Variants in CCDC146 observed in about 807,000 individuals in gnomAD.
The protein encoded by CCDC146 is coiled-coil domain containing 146, also known as coiled-coil domain-containing protein 146.
Under a neutral mutation model 119.3 loss-of-function variants are expected in CCDC146, and 92 were observed. The observed-to-expected ratio is 0.77, with a 90% confidence interval of 0.65 to 0.92. The LOEUF is 0.92. CCDC146 is among the 40% of genes least tolerant of loss of function. The pLI is 0.00. For missense variants in CCDC146, 1,000 were observed against 1,103.0 expected (o/e 0.91, Z 1.32); for synonymous variants, 372 against 371.8 (o/e 1.00, Z -0.01).
chr7:77,201,742 A>G (rs928154553), intron 2 of CCDC146, among the ~76,000 whole-genome samples: 5 of 152,178 alleles, frequency 3.3e-5, no homozygotes, highest in African/African-American at 4.8e-5. Context: ...ATTCCATTCA[A>G]TATATCCAAT....
chr7:77,254,592 A>C, intron 5 of CCDC146, 29 bp downstream of exon 5: 1 of 1,208,496 alleles, frequency 8.3e-7, no homozygotes. Flanking sequence ...AGAGTTTCTT[A>C]AATACAGCTG....
intron 9 of CCDC146, among the ~76,000 whole-genome samples, chr7:77,267,120 G>A (rs1175984187): frequency 6.6e-6 from 1 of 151,832 alleles, no homozygotes; most frequent in African/African-American, 2.4e-5. Flanking sequence ...AGCCTCCTGA[G>A]TAGCTGGGAT....
intron 1 of CCDC146, among the ~76,000 whole-genome samples, chr7:77,126,775 C>T (rs1308881732): frequency 1.3e-5 from 2 of 152,092 alleles, no homozygotes; most frequent in Non-Finnish European, 2.9e-5. Flanking sequence ...TTATGGACCT[C>T]AGAGGGGAGG....
At chr7:77,281,719 A>G (rs1793768031) in intron 14 of CCDC146, among the ~76,000 whole-genome samples, 1 of 152,192 alleles carries the variant, frequency 6.6e-6, no homozygotes, top group Non-Finnish European at 1.5e-5. Flanking sequence ...TGTTTTGAGG[A>G]AGGGGAGTCA....
rs1376883304 is a variant in CCDC146, at chr7:77,262,265, A to G, written c.1131A>G (p.Ala377=). The part of the protein sequence containing the change: ...MELLLKVSWD[A]LRQTQALHQR... ...TGCTCTTGAAAGTGTCCTGGGATGCACTTAGGCAAACTCAAGCACTGCATC... is the reference window on the plus strand; with the variant it reads ...TGCTCTTGAAAGTGTCCTGGGATGCGCTTAGGCAAACTCAAGCACTGCATC... Residue 377 remains alanine, a synonymous_variant, in exon 9 of 19, where the codon GCA becomes GCG. Coordinates refer to ENST00000285871, the MANE Select transcript of CCDC146 (RefSeq NM_020879.3). 2 of 1,613,238 alleles carry G rather than the reference A, an allele frequency of 1.2e-6. No homozygotes were observed. The highest frequency in any genetic ancestry group is 2.7e-5 in the African/African-American group (2 of 74,894).
chr7:77,275,080 GA>G (rs1220107099), intron 11 of CCDC146, among the ~76,000 whole-genome samples: 16 of 17,690 alleles, frequency 9.0e-4, no homozygotes, highest in Non-Finnish European at 1.3e-3. Flanking sequence ...AAAAAAAAAA[GA>G]AAAGCTATAC....
At chr7:77,209,392 AG>A (rs1792140303) in intron 2 of CCDC146, among the ~76,000 whole-genome samples, 1 of 152,226 alleles carries the variant, frequency 6.6e-6, no homozygotes, top group African/African-American at 2.4e-5. Flanking sequence ...ACGCTGACAC[AG>A]GGGTGGGCTC....
At chr7:77,199,669 C>A (rs765061748) in intron 2 of CCDC146, 1 of 1,614,208 alleles carries the variant, frequency 6.2e-7, no homozygotes, top group South Asian at 1.1e-5. Flanking sequence ...GCTTTCTAGT[C>A]TCACTGGGCA....
intron 1 of CCDC146, 102 bp downstream of exon 1, chr7:77,122,834 AG>A (rs549616625): frequency 1.9e-3 from 294 of 153,732 alleles, no homozygotes; most frequent in African/African-American, 6.8e-3. Context: ...GGGCATCTCC[AG>A]GGCATGGAGA....
At chr7:77,277,655 T>C (rs1301355081) in intron 11 of CCDC146, among the ~76,000 whole-genome samples, 2 of 152,218 alleles carry the variant, frequency 1.3e-5, no homozygotes, top group African/African-American at 2.4e-5. Flanking sequence ...TTTTCCCATC[T>C]GTTTTATTAT....
chr7:77,258,956 A>T, intron 6 of CCDC146, 39 bp from the exon 7 acceptor site: 1 of 1,387,824 alleles, frequency 7.2e-7, no homozygotes, highest in Middle Eastern at 1.8e-4. Context: ...CTTCTAGCCG[A>T]AGACCGCATA....
At chr7:77,130,862 G>A (rs1790775460) in intron 1 of CCDC146, among the ~76,000 whole-genome samples, 1 of 149,928 alleles carries the variant, frequency 6.7e-6, no homozygotes, top group African/African-American at 2.5e-5. Context: ...CTCCCAAAGT[G>A]CTGGGATTAC....
chr7:77,201,298 T>C (rs1262798289), intron 2 of CCDC146, among the ~76,000 whole-genome samples: 3 of 151,876 alleles, frequency 2.0e-5, no homozygotes, highest in African/African-American at 7.3e-5. Context: ...TCCCAACACA[T>C]TGGGAGGCCG....
chr7:77,125,042 A>G (rs1584008146), intron 1 of CCDC146, among the ~76,000 whole-genome samples: 2 of 152,082 alleles, frequency 1.3e-5, no homozygotes, highest in South Asian at 4.1e-4. Context: ...AAAATTAAAA[A>G]AATTAGCTTG....
At chr7:77,137,716 G>A (rs1341484726) in intron 1 of CCDC146, among the ~76,000 whole-genome samples, 1 of 151,916 alleles carries the variant, frequency 6.6e-6, no homozygotes, top group Non-Finnish European at 1.5e-5. Context: ...CAAAATCTCA[G>A]CAACTCATTT....
chr7:77,187,714 G>C (rs1436368382), intron 2 of CCDC146, among the ~76,000 whole-genome samples: 1 of 152,214 alleles, frequency 6.6e-6, no homozygotes, highest in Non-Finnish European at 1.5e-5. Flanking sequence ...GCACCAGGGA[G>C]ACTATCACTA....
intron 17 of CCDC146, 51 bp downstream of exon 17, chr7:77,287,628 T>G (rs777525562): frequency 2.0e-5 from 32 of 1,576,730 alleles, no homozygotes; most frequent in Non-Finnish European, 2.8e-5. Flanking sequence ...CTTTATTACC[T>G]TTTATTTTCC....
chr7:77,130,747 C>T (rs1212386730), intron 1 of CCDC146, among the ~76,000 whole-genome samples: 6 of 147,384 alleles, frequency 4.1e-5, no homozygotes, highest in Middle Eastern at 6.5e-3. Context: ...TACAGGCGCG[C>T]GCCACCATGC....
intron 1 of CCDC146, among the ~76,000 whole-genome samples, chr7:77,160,527 A>T (rs1262873023): frequency 6.6e-6 from 1 of 152,096 alleles, no homozygotes; most frequent in Non-Finnish European, 1.5e-5. Flanking sequence ...TTCTCTTTGA[A>T]GCAATTGTGA....
Sources: gnomAD v4.1 joint callset for allele counts (sites outside exome capture counted in the v4.1 genomes callset) on GRCh38, gnomAD v4.1.1 for gene constraint, MANE v1.5 for transcripts, NCBI Gene and HGNC (gene_info 2026-07-23, HGNC 2026-07-21) for gene names.